MTA3: variants seen among roughly 807,000 people sequenced by gnomAD.
MTA3 encodes metastasis associated 1 family member 3.
A neutral mutation model predicts 83.5 loss-of-function variants in MTA3; 34 were observed. The observed-to-expected ratio is 0.41, with a 90% confidence interval of 0.31 to 0.54. The LOEUF (loss-of-function observed/expected upper bound fraction) is 0.54. Among genes scored for constraint, MTA3 ranks in the 20% least tolerant of loss-of-function variants. The probability of loss-of-function intolerance (pLI) is 0.33; values close to 1 mark genes in which losing one functional copy is unlikely to be tolerated. For synonymous variants in MTA3, 303 were observed against 252.7 expected, an observed-to-expected ratio of 1.20 and a Z score of -1.89; for missense variants, 761 against 726.4, an observed-to-expected ratio of 1.05 and a Z score of -0.55.
intron 4 of MTA3, among the ~76,000 whole-genome samples, chr2:42,634,653 A>C (rs2104274751): frequency 6.6e-6 from 1 of 152,168 alleles, no homozygotes; most frequent in East Asian, 1.9e-4. Context: ...ACCCCCTTTC[A>C]TTTTAAATTT....
intron 6 of MTA3, among the ~76,000 whole-genome samples, chr2:42,649,410 C>T (rs1435038316): frequency 6.7e-6 from 1 of 149,024 alleles, no homozygotes; most frequent in Non-Finnish European, 1.5e-5. Context: ...GTGACTCCCT[C>T]TCCAAAAAAA....
chr2:42,725,694 A>G (rs1206333167), intron 16 of MTA3, among the ~76,000 whole-genome samples: 1 of 152,214 alleles, frequency 6.6e-6, no homozygotes, highest in Non-Finnish European at 1.5e-5. Flanking sequence ...AGGTGTGATG[A>G]GGCTGGTTCT....
chr2:42,697,539 T>C (rs1693496718), intron 10 of MTA3, among the ~76,000 whole-genome samples: 1 of 152,206 alleles, frequency 6.6e-6, no homozygotes, highest in African/African-American at 2.4e-5. Context: ...GCTCATTGCT[T>C]TATTTTTTTA....
chr2:42,527,825 A>T, intron 2 of MTA3, among the ~76,000 whole-genome samples: 1 of 120,276 alleles, frequency 8.3e-6, no homozygotes, highest in East Asian at 2.0e-4. Context: ...TCATGTCTTT[A>T]AAAAAAAAAA....
chr2:42,695,862 C>A, intron 10 of MTA3, 23 bp downstream of exon 10: 2 of 1,439,316 alleles, frequency 1.4e-6, no homozygotes, highest in Non-Finnish European at 1.9e-6. Context: ...ATATTGCTAC[C>A]AATATGGTTG....
rs990238809 is a variant in MTA3 at position 42,534,175 on chromosome 2, A to C, written c.-140-36262A>C. Among the ~76,000 whole-genome samples, 4 of 152,152 alleles carry C rather than the reference A, an allele frequency of 2.6e-5. 1 individual carries two copies. Among genetic ancestry groups the C allele is most frequent in the African/African-American group, 9.7e-5 (4 of 41,440 alleles). The stretch of plus-strand genomic sequence containing the variant: ...CCTAACATGTTCGGTAGGATTCTGA[A>C]GGTAGGGAGCAGATTTGCATAGAGC... On this transcript the variant is annotated intron_variant, in intron 2 of 17. Transcript: ENST00000405592.
intron 5 of MTA3, 48 bp from the exon 6 acceptor site, chr2:42,644,079 G>C: frequency 9.0e-7 from 1 of 1,114,670 alleles, no homozygotes; most frequent in Non-Finnish European, 1.3e-6. Context: ...TGCTTTATAA[G>C]AAGTAGAAGG....
At chr2:42,532,796 C>T (rs1328182865) in intron 2 of MTA3, 7 of 363,314 alleles carry the variant, frequency 1.9e-5, no homozygotes, top group African/African-American at 8.7e-5. Flanking sequence ...GTTCCAGCAG[C>T]TCGGGCTCCT....
intron 16 of MTA3, among the ~76,000 whole-genome samples, chr2:42,735,206 C>T (rs1380271131): frequency 1.3e-5 from 2 of 152,118 alleles, no homozygotes; most frequent in Non-Finnish European, 2.9e-5. Flanking sequence ...ATTACTCCTT[C>T]ATGCTTGAAG....
At chr2:42,653,584 A>G (rs1688905935) in intron 6 of MTA3, among the ~76,000 whole-genome samples, 1 of 152,080 alleles carries the variant, frequency 6.6e-6, no homozygotes, top group Non-Finnish European at 1.5e-5. Flanking sequence ...GAATTTCTAT[A>G]TTTATTTTTT....
In MTA3 at chr2:42,754,485, G is replaced by A; in HGVS notation, c.*1086G>A. The stretch of plus-strand genomic sequence containing the variant: ...TGTTTCCCACCTGCCCTCGGCACGA[G>A]CCCTTGGTGGCATCACAGTTGGCCA... On this transcript the variant is annotated 3_prime_UTR_variant, in exon 17 of 17. Transcript: ENST00000405094. The A allele has an allele frequency of 1.0e-6, 1 of 985,518 alleles. No homozygotes were observed. The highest frequency in any genetic ancestry group is 1.1e-4 in the East Asian group (1 of 8,802). The allele number at this position is 985,518 out of a possible 1,614,324, so 61.0% of individuals were successfully genotyped here.
chr2:42,702,815 C>T (rs1665706120), intron 11 of MTA3: 1 of 152,234 alleles, frequency 6.6e-6, no homozygotes, highest in African/African-American at 2.4e-5. Flanking sequence ...GGGAGTTAGC[C>T]TACCGTACAT....
chr2:42,527,989 A>G (rs1000548903), intron 2 of MTA3, among the ~76,000 whole-genome samples: 17 of 152,048 alleles, frequency 1.1e-4, no homozygotes, highest in Admixed American at 7.9e-4. Context: ...CAGTGGTGCA[A>G]TCTCAGTTCA....
chr2:42,701,594 C>T (rs558713958), intron 11 of MTA3, among the ~76,000 whole-genome samples: 1 of 151,776 alleles, frequency 6.6e-6, no homozygotes, highest in Non-Finnish European at 1.5e-5. Flanking sequence ...GAGACCCTCT[C>T]TCAAAAAAAA....
chr2:42,659,963 T>G, intron 8 of MTA3, 101 bp downstream of exon 8: 1 of 749,684 alleles, frequency 1.3e-6, no homozygotes, highest in Non-Finnish European at 2.0e-6. Context: ...TTTTGGGCTC[T>G]TAGCCTTCCT....
intron 3 of MTA3, among the ~76,000 whole-genome samples, chr2:42,593,948 T>C (rs2103953155): frequency 9.6e-6 from 1 of 104,270 alleles, no homozygotes; most frequent in African/African-American, 4.3e-5. Flanking sequence ...AGTATAGGAT[T>C]AAGTTTTTTT....
chr2:42,617,033 C>T (rs1684980253), intron 4 of MTA3, among the ~76,000 whole-genome samples: 1 of 152,060 alleles, frequency 6.6e-6, no homozygotes. Context: ...AATAGGAAAG[C>T]TTTTTTGTAT....
intron 2 of MTA3, among the ~76,000 whole-genome samples, chr2:42,519,726 C>A (rs1675325644): frequency 6.6e-6 from 1 of 151,766 alleles, no homozygotes; most frequent in African/African-American, 2.4e-5. Context: ...CATAACGATA[C>A]CTTCATCTGT....
At chr2:42,701,865 A>C (rs1665595716) in intron 11 of MTA3, among the ~76,000 whole-genome samples, 1 of 151,520 alleles carries the variant, frequency 6.6e-6, no homozygotes, top group South Asian at 2.1e-4. Flanking sequence ...CAGTGAGCCG[A>C]GATCACGCCA....
Sources: allele counts gnomAD v4.1 joint callset (sites outside exome capture counted in the v4.1 genomes callset), GRCh38; gene constraint gnomAD v4.1.1; transcripts MANE v1.5; gene names NCBI Gene and HGNC (gene_info 2026-07-23, HGNC 2026-07-21).